The following DIAPH3 variants were observed in gnomAD, a reference collection of about 807,000 sequenced individuals.
DIAPH3 encodes the protein protein diaphanous homolog 3.
A neutral mutation model predicts 144.3 loss-of-function variants in DIAPH3; 117 were observed. The observed-to-expected ratio is 0.81, with a 90% CI of 0.70 to 0.95. DIAPH3 has a LOEUF of 0.95. Ranked by LOEUF, DIAPH3 falls within the 40% of genes least tolerant of loss-of-function variation. The pLI is 0.00. For synonymous variants in DIAPH3, 519 were observed against 488.9 expected (o/e 1.06, Z -0.81); for missense variants, 1,421 against 1,412.7 (o/e 1.01, Z -0.09).
At chr13:59,753,756 C>A (rs2037128109) in intron 27 of DIAPH3, among the ~76,000 whole-genome samples, 1 of 152,020 alleles carries the variant, frequency 6.6e-6, no homozygotes, top group Admixed American at 6.6e-5. Context: ...AAAGTGCCAG[C>A]AATATATTAA....
chr13:60,005,470 T>C (rs1376078102), intron 9 of DIAPH3, among the ~76,000 whole-genome samples: 4 of 152,090 alleles, frequency 2.6e-5, no homozygotes, highest in Non-Finnish European at 5.9e-5. Context: ...ACAAAAAATA[T>C]TGAATCACAC....
intron 27 of DIAPH3, among the ~76,000 whole-genome samples, chr13:59,709,916 T>C (rs2034640128): frequency 6.6e-6 from 1 of 151,986 alleles, no homozygotes; most frequent in South Asian, 2.1e-4. Flanking sequence ...TATGCAGCCA[T>C]AAAAAATGAT....
At chr13:59,990,223 C>T (rs1383860944) in intron 12 of DIAPH3, among the ~76,000 whole-genome samples, 1 of 151,704 alleles carries the variant, frequency 6.6e-6, no homozygotes, top group Non-Finnish European at 1.5e-5. Context: ...ATGTCCTATC[C>T]TCATCCTGAA....
intron 27 of DIAPH3, among the ~76,000 whole-genome samples, chr13:59,700,482 A>G (rs1475917815): frequency 1.3e-5 from 2 of 152,354 alleles, no homozygotes; most frequent in Non-Finnish European, 2.9e-5. Flanking sequence ...CTCACCAAAT[A>G]TTCTACGTAC....
intron 25 of DIAPH3, among the ~76,000 whole-genome samples, chr13:59,793,859 G>A (rs2039444974): frequency 6.6e-6 from 1 of 152,112 alleles, no homozygotes; most frequent in African/African-American, 2.4e-5. Context: ...AGGCAATCTG[G>A]GATGTGTTGG....
In DIAPH3 at chr13:59,772,037, T is replaced by C. The variant is rs189175024; in HGVS notation, c.3319+2152A>G. On this transcript the variant is annotated intron_variant, in intron 27 of 27. Coordinates refer to ENST00000400324, the MANE Select transcript of DIAPH3 (RefSeq NM_001042517.2). ...TTGTAGAAAATATAAATATTAGACA[T>C]CAATTTTAAGTATATAAAAGCAAAT... Among the ~76,000 whole-genome samples the C allele has an allele frequency of 2.0e-5, 3 of 152,162 alleles. No homozygotes were observed. In the East Asian group the frequency reaches 5.8e-4, roughly 29 times the overall value.
chr13:60,080,595 T>C (rs1206259821), intron 4 of DIAPH3, among the ~76,000 whole-genome samples: 1 of 151,966 alleles, frequency 6.6e-6, no homozygotes, highest in African/African-American at 2.4e-5. Flanking sequence ...AAAAAGATCC[T>C]ATGCTCCTAT....
chr13:60,092,615 C>G (rs1476021137), intron 4 of DIAPH3, among the ~76,000 whole-genome samples: 1 of 151,992 alleles, frequency 6.6e-6, no homozygotes, highest in Admixed American at 6.6e-5. Context: ...GGCGCCACTG[C>G]ACCCCAGCCT....
intron 27 of DIAPH3, among the ~76,000 whole-genome samples, chr13:59,723,238 T>TA (rs1195405639): frequency 6.6e-6 from 1 of 152,144 alleles, no homozygotes; most frequent in Non-Finnish European, 1.5e-5. Context: ...TTCTAGAATG[T>TA]AAACCCTAAG....
At chr13:59,870,129 T>C (rs1226318739) in intron 21 of DIAPH3, among the ~76,000 whole-genome samples, 3 of 152,092 alleles carry the variant, frequency 2.0e-5, no homozygotes, top group Admixed American at 1.3e-4. Context: ...TGATAAATTT[T>C]TAGTTAATTT....
intron 22 of DIAPH3, among the ~76,000 whole-genome samples, chr13:59,841,392 A>G (rs1593628772): frequency 6.6e-6 from 1 of 151,982 alleles, no homozygotes; most frequent in Admixed American, 6.6e-5. Flanking sequence ...GGAGTTCAAG[A>G]CCAGCCTGGA....
intron 27 of DIAPH3, among the ~76,000 whole-genome samples, chr13:59,689,182 A>T (rs1280790615): frequency 6.6e-6 from 1 of 152,046 alleles, no homozygotes; most frequent in Non-Finnish European, 1.5e-5. Flanking sequence ...TTTCTGAGGA[A>T]GCTTAAATAC....
chr13:60,054,357 T>G (rs1387103919), intron 4 of DIAPH3, among the ~76,000 whole-genome samples: 1 of 152,048 alleles, frequency 6.6e-6, no homozygotes, highest in Non-Finnish European at 1.5e-5. Flanking sequence ...TTTAAGCAAG[T>G]AAATTACAGA....
At chr13:59,957,637 C>A (rs557667035) in intron 17 of DIAPH3, among the ~76,000 whole-genome samples, 1 of 151,830 alleles carries the variant, frequency 6.6e-6, no homozygotes, top group East Asian at 1.9e-4. Flanking sequence ...GAAAAACTGC[C>A]GAATCTGCAA....
At chr13:60,027,940 C>T (rs978495995) in intron 5 of DIAPH3, among the ~76,000 whole-genome samples, 2 of 152,162 alleles carry the variant, frequency 1.3e-5, no homozygotes, top group Admixed American at 6.5e-5. Context: ...GTCACTACTA[C>T]CCAATGCTGG....
intron 1 of DIAPH3, among the ~76,000 whole-genome samples, chr13:60,148,425 C>T (rs1210445467): frequency 6.6e-6 from 1 of 152,222 alleles, no homozygotes; most frequent in Non-Finnish European, 1.5e-5. Flanking sequence ...TAGCCACATT[C>T]AAGTGCTCAA....
chr13:59,875,405 G>A (rs1425710729), intron 21 of DIAPH3, among the ~76,000 whole-genome samples: 1 of 152,036 alleles, frequency 6.6e-6, no homozygotes, highest in Non-Finnish European at 1.5e-5. Context: ...TAGCATTACT[G>A]TGACTGAAAC....
intron 20 of DIAPH3, among the ~76,000 whole-genome samples, chr13:59,907,269 T>C (rs369349793): frequency 6.6e-6 from 1 of 152,198 alleles, no homozygotes; most frequent in African/African-American, 2.4e-5. Flanking sequence ...TCAGTCAGTA[T>C]TCAGTGTCCT....
In DIAPH3 at chr13:60,003,880, C is replaced by T. The variant is rs559782840; in HGVS notation, c.1014+4664G>A. ...CAGACGTGGGCCACCACGCACGGCCCCTGATAATATTCTTCAAGGCCTGAG... is the reference window on the plus strand; with the variant it reads ...CAGACGTGGGCCACCACGCACGGCCTCTGATAATATTCTTCAAGGCCTGAG... On this transcript the variant is annotated intron_variant, in intron 9 of 27. Transcript: ENST00000400324. 2.0e-5 allele frequency among the ~76,000 whole-genome samples: 3 copies of T among 152,170 alleles called. No individual in the cohort carries two copies. In the South Asian group the frequency reaches 6.2e-4, roughly 32 times the overall value.
Sources: gnomAD v4.1 joint callset for allele counts (sites outside exome capture counted in the v4.1 genomes callset) on GRCh38, gnomAD v4.1.1 for gene constraint, MANE v1.5 for transcripts, NCBI Gene and HGNC (gene_info 2026-07-23, HGNC 2026-07-21) for gene names.